Variants in HNRNPUL1 observed in about 807,000 individuals in gnomAD.
HNRNPUL1 encodes heterogeneous nuclear ribonucleoprotein U-like protein 1.
HNRNPUL1 carries 14 observed loss-of-function variants against 108.5 expected under a neutral mutation model. That is an observed-to-expected ratio of 0.13 (90% CI 0.09 to 0.20). The LOEUF (loss-of-function observed/expected upper bound fraction) is 0.20, where lower values mean the gene tolerates loss of function less well. Ranked by LOEUF, HNRNPUL1 falls within the 10% of genes least tolerant of loss-of-function variation. The pLI is 1.00. For missense variants in HNRNPUL1, 804 were observed against 1,168.3 expected (o/e 0.69, Z 4.55); for synonymous variants, 422 against 445.2 (o/e 0.95, Z 0.66).
intron 4 of HNRNPUL1, among the ~76,000 whole-genome samples, chr19:41,275,940 T>TA (rs111925003): frequency 2.0e-5 from 3 of 151,952 alleles, no homozygotes; most frequent in African/African-American, 7.3e-5. Context: ...CTATCTCTAC[T>TA]AAAAAATACA....
At chr19:41,273,813 C>T (rs1164413679) in intron 3 of HNRNPUL1, among the ~76,000 whole-genome samples, 169 bp from the exon 4 acceptor site, 2 of 152,202 alleles carry the variant, frequency 1.3e-5, no homozygotes, top group African/African-American at 2.4e-5. Flanking sequence ...TCATTGCTCT[C>T]CTTGCAAGGA....
At chr19:41,303,830 A>G in intron 12 of HNRNPUL1, 142 bp from the exon 13 acceptor site, 1 of 1,011,938 alleles carries the variant, frequency 9.9e-7, no homozygotes, top group East Asian at 2.5e-5. Context: ...AGAGAATCCC[A>G]GAGGACATGC....
chr19:41,303,969 C>T lies in HNRNPUL1; in HGVS notation c.1973-3C>T. The T allele has an allele frequency of 6.2e-7, 1 of 1,604,304 alleles. No individual in the cohort carries two copies. Reference sequence around the variant, plus strand: ...GCCTTTCATCTGGATTTCTCCAACACAGGTTTCAACCGCAGCGGAGGTGGT... The same window carrying T: ...GCCTTTCATCTGGATTTCTCCAACATAGGTTTCAACCGCAGCGGAGGTGGT... On this transcript the variant is annotated splice_polypyrimidine_tract_variant and splice_region_variant and intron_variant, in intron 12 of 14. Coordinates refer to ENST00000392006, the MANE Select transcript of HNRNPUL1 (RefSeq NM_007040.6).
chr19:41,301,769 T>G (rs931655859), intron 11 of HNRNPUL1, 65 bp downstream of exon 11: 44 of 1,429,502 alleles, frequency 3.1e-5, no homozygotes, highest in Non-Finnish European at 4.0e-5. Context: ...AGCTCTTTAC[T>G]CAGTTTGTCC....
chr19:41,281,187 A>G lies in HNRNPUL1; in HGVS notation c.911A>G (p.Tyr304Cys). 5.0e-6 allele frequency: 8 copies of G among 1,613,902 alleles called. No homozygotes were observed. Among genetic ancestry groups the G allele is most frequent in the Admixed American group, 1.7e-5 (1 of 60,020 alleles). ...GGCGAAGAGCCTTTCTCCTATGGCT[A>G]TGGAGGCACTGGGAAGAAGTCCACC... Reference protein sequence around the residue: ...QLGEEPFSYGYGGTGKKSTNS... With the variant: ...QLGEEPFSYGCGGTGKKSTNS... Residue 304 changes from tyrosine (Y) to cysteine (C), a missense_variant, in exon 7 of 15, where the codon TAT becomes TGT. Physicochemically the swap from Tyr to Cys is radical, Grantham distance 194 (BLOSUM62 -2). Transcript: ENST00000392006.
intron 1 of HNRNPUL1, chr19:41,265,078 C>T (rs2122351495): frequency 7.1e-7 from 1 of 1,410,120 alleles, no homozygotes; most frequent in Non-Finnish European, 9.2e-7. Context: ...GATCGGAGAC[C>T]GGAAACTGCT....
chr19:41,278,521 T>C (rs959125499), intron 5 of HNRNPUL1: 4 of 152,344 alleles, frequency 2.6e-5, no homozygotes, highest in African/African-American at 9.7e-5. Flanking sequence ...ACAAATACAG[T>C]CACACATACG....
Position 41,264,545 on chromosome 19 carries a change from G to A in HNRNPUL1, c.42G>A (p.Glu14=). The part of the protein sequence containing the change: ...RRLKVNELRE[E]LQRRGLDTRG... ...TGAAGGTGAACGAACTTCGCGAGGA[G>A]CTGCAGCGCCGCGGCCTGGACACTC... is the stretch of plus-strand genomic sequence containing the variant. Residue 14 remains glutamate, a synonymous_variant, in exon 1 of 15, where the codon GAG becomes GAA. Coordinates refer to ENST00000392006, the MANE Select transcript of HNRNPUL1 (RefSeq NM_007040.6). 4.7e-6 allele frequency: 7 copies of A among 1,501,614 alleles called. No homozygotes were observed. The highest frequency in any genetic ancestry group is 2.2e-4 in the Middle Eastern group (1 of 4,486). 93.0% of individuals were successfully genotyped at this position (1,501,614 alleles called of 1,614,324 possible).
At position 41,283,062 on chromosome 19, in the gene HNRNPUL1, C is replaced by G. The variant is rs576218904; in HGVS notation, c.999+1787C>G. ...AACAATTTGAAACAACAGACATAGCCTAGAAATATCGGTAAGATTAAGAAA... is the reference window on the plus strand; with the variant it reads ...AACAATTTGAAACAACAGACATAGCGTAGAAATATCGGTAAGATTAAGAAA... On this transcript the variant is annotated intron_variant, in intron 7 of 14. Transcript: ENST00000392006. Among the ~76,000 whole-genome samples, 42 of 152,216 alleles carry G rather than the reference C, an allele frequency of 2.8e-4. No individual in the cohort carries two copies. The South Asian group carries it at 4.4e-3, about 16-fold the overall frequency.
At chr19:41,269,839 C>T (rs1190062725) in intron 2 of HNRNPUL1, among the ~76,000 whole-genome samples, 1 of 152,148 alleles carries the variant, frequency 6.6e-6, no homozygotes, top group Non-Finnish European at 1.5e-5. Context: ...TGTTACATGC[C>T]TGTAATCCCA....
intron 2 of HNRNPUL1, among the ~76,000 whole-genome samples, chr19:41,271,086 G>A (rs2035207997): frequency 6.6e-6 from 1 of 152,178 alleles, no homozygotes; most frequent in Non-Finnish European, 1.5e-5. Flanking sequence ...CCCCAGTTTT[G>A]TGCTGCTTTT....
intron 11 of HNRNPUL1, 162 bp downstream of exon 11, chr19:41,301,866 T>C (rs2037231008): frequency 4.5e-6 from 3 of 661,742 alleles, no homozygotes; most frequent in Non-Finnish European, 7.4e-6. Context: ...CAGCTGTGAA[T>C]GGAAAAGCTA....
chr19:41,302,521 C>T, intron 11 of HNRNPUL1, 144 bp from the exon 12 acceptor site: 1 of 1,099,812 alleles, frequency 9.1e-7, no homozygotes, highest in South Asian at 1.3e-5. Flanking sequence ...GCCCGCCCTT[C>T]TGTCTATGTC....
intron 1 of HNRNPUL1, among the ~76,000 whole-genome samples, chr19:41,266,018 G>A (rs1476447382): frequency 6.6e-6 from 1 of 152,140 alleles, no homozygotes; most frequent in African/African-American, 2.4e-5. Flanking sequence ...GGCCCTCGGG[G>A]AGCAGCACGG....
intron 10 of HNRNPUL1, 103 bp from the exon 11 acceptor site, chr19:41,301,433 A>C (rs1781616369): frequency 1.1e-6 from 1 of 892,592 alleles, no homozygotes; most frequent in Admixed American, 2.6e-5. Flanking sequence ...TACAAGGAGC[A>C]CTGATATCCT....
intron 8 of HNRNPUL1, among the ~76,000 whole-genome samples, chr19:41,293,448 A>G (rs1409856871): frequency 2.0e-5 from 3 of 152,162 alleles, no homozygotes; most frequent in Non-Finnish European, 4.4e-5. Flanking sequence ...TTTTTTAAAA[A>G]TCCTTCAAGG....
chr19:41,305,816 AC>A lies in HNRNPUL1; in HGVS notation c.2409del (p.Thr804LeufsTer111). 7.2e-7 allele frequency: 1 copy of A among 1,393,258 alleles called. No individual in the cohort carries two copies. The highest frequency in any genetic ancestry group is 9.8e-7 in the Non-Finnish European group (1 of 1,017,296). 86.3% of individuals were successfully genotyped at this position (1,393,258 alleles called of 1,614,324 possible). A position where few individuals can be genotyped will look rare whatever the true frequency, so the allele number is the denominator to read the frequency against. ...ACCCGGCCCCCTATACCCCACCGCC[AC>A]CCCCCACTGCACAGACCTACCCTCA... ...YNPAPYTPPP[P>X]PTAQTYPQPS... On this transcript the variant is annotated frameshift_variant, in exon 14 of 15. Transcript: ENST00000392006. LOFTEE classifies it high-confidence loss of function.
In HNRNPUL1 at chr19:41,294,992, A is replaced by G. The variant is rs1158695324; in HGVS notation, c.1518+306A>G. On this transcript the variant is annotated intron_variant, in intron 10 of 14. Coordinates refer to ENST00000392006, the MANE Select transcript of HNRNPUL1 (RefSeq NM_007040.6). This position sits in a 1 kb window ranked among gnomAD's most constrained non-coding sequence, Gnocchi z 4.3. ...CCTGAGAGACTGGAGCTTGAATGCC[A>G]GCTCGGCTACTCCCTAGCTCTGTGC... 6.6e-6 allele frequency among the ~76,000 whole-genome samples: 1 copy of G among 152,230 alleles called. No homozygotes were observed. The highest frequency in any genetic ancestry group is 2.4e-5 in the African/African-American group (1 of 41,464).
Position 41,274,485 on chromosome 19 carries a change from T to TG in HNRNPUL1, c.646+432dup, listed in dbSNP as rs369176461. Among the ~76,000 whole-genome samples the TG allele has an allele frequency of 2.0e-3, 302 of 152,374 alleles. 1 individual carries two copies. Among genetic ancestry groups the TG allele is most frequent in the African/African-American group, 7.0e-3 (292 of 41,584 alleles). The stretch of plus-strand genomic sequence containing the variant: ...CGTTTCCATCAGCTGCTCAAGTTCC[T>TG]GGTGAAACCAATGCCACTGTGTCCT... On this transcript the variant is annotated intron_variant, in intron 4 of 14. Transcript: ENST00000392006.
Sources: gnomAD v4.1 joint callset for allele counts (sites outside exome capture counted in the v4.1 genomes callset) on GRCh38, gnomAD v4.1.1 for gene constraint, Gnocchi (gnomAD v3.1) non-coding constraint, MANE v1.5 for transcripts, NCBI Gene and HGNC (gene_info 2026-07-23, HGNC 2026-07-21) for gene names.